Variants in EPAS1 observed in about 807,000 individuals in gnomAD.
EPAS1 encodes the protein endothelial PAS domain-containing protein 1.
A neutral mutation model predicts 87.9 loss-of-function variants in EPAS1; 23 were observed. The observed-to-expected ratio is 0.26, with a 90% confidence interval of 0.19 to 0.37. The LOEUF is 0.37. Ranked by LOEUF, EPAS1 falls within the 10% of genes least tolerant of loss-of-function variation. EPAS1 has a pLI of 1.00. For missense variants in EPAS1, 1,138 were observed against 1,120.7 expected (o/e 1.02, Z -0.22); for synonymous variants, 508 against 444.3 (o/e 1.14, Z -1.80).
intron 1 of EPAS1, among the ~76,000 whole-genome samples, chr2:46,321,041 T>TC (rs1394240113): frequency 6.6e-6 from 1 of 152,206 alleles, no homozygotes; most frequent in African/African-American, 2.4e-5. Flanking sequence ...AACTCTTTAT[T>TC]CCCCACATGC....
rs1558580979 is a variant in EPAS1 at position 46,304,766 on chromosome 2, T to C, written c.26+6829T>C. On this transcript the variant is annotated intron_variant, in intron 1 of 15. Transcript: ENST00000263734. ...GTGCAGGAGAACCTGTTAGAAGCTC[T>C]TCCTCTGTGGCTTCTGAAGAACCAT... Among the ~76,000 whole-genome samples the C allele has an allele frequency of 2.0e-5, 3 of 152,356 alleles. No individual in the cohort carries two copies. In the East Asian group the frequency reaches 5.8e-4, roughly 29 times the overall value.
Position 46,380,479 on chromosome 2 carries a change from C to T in EPAS1, c.1807C>T (p.Pro603Ser), listed in dbSNP as rs1019548129. ...ESKKTEPEHR[P>S]MSSIFFDAGS... Reference sequence around the variant, plus strand: ...CAAGAAGACAGAGCCCGAGCACCGGCCCATGTCCTCCATCTTCTTTGATGC... The same window carrying T: ...CAAGAAGACAGAGCCCGAGCACCGGTCCATGTCCTCCATCTTCTTTGATGC... Residue 603 changes from proline (P) to serine (S), a missense_variant, in exon 12 of 16, where the codon CCC becomes TCC. Around this residue, in one of 4 missense-constraint regions of EPAS1, gnomAD observed 502 missense variants for 427.1 expected, o/e 1.18. Transcript: ENST00000263734. This position sits in a 1 kb window ranked among gnomAD's most constrained non-coding sequence, Gnocchi z 4.4. 1 of 1,614,184 alleles carries T rather than the reference C, an allele frequency of 6.2e-7. No homozygotes were observed. The highest frequency in any genetic ancestry group is 2.2e-5 in the East Asian group (1 of 44,886).
chr2:46,374,059 G>A (rs1242515295), intron 7 of EPAS1, among the ~76,000 whole-genome samples: 2 of 152,242 alleles, frequency 1.3e-5, no homozygotes, highest in Non-Finnish European at 2.9e-5. Context: ...CATCTTATCA[G>A]ATAGTTCTGA....
chr2:46,361,331 A>C (rs1350001609), intron 6 of EPAS1, among the ~76,000 whole-genome samples: 1 of 151,788 alleles, frequency 6.6e-6, no homozygotes, highest in African/African-American at 2.4e-5. Context: ...CTGGTGTGCA[A>C]CTCTTCTCAT....
chr2:46,356,053 A>G (rs545836837), intron 2 of EPAS1, 98 bp from the exon 3 acceptor site: 203 of 1,356,948 alleles, frequency 1.5e-4, no homozygotes, highest in South Asian at 4.3e-4. Flanking sequence ...AGTCCACCCA[A>G]TGCCTTTGCA....
intron 1 of EPAS1, among the ~76,000 whole-genome samples, chr2:46,312,536 A>G (rs2104842921): frequency 6.6e-6 from 1 of 152,318 alleles, no homozygotes; most frequent in African/African-American, 2.4e-5. Flanking sequence ...TAAAGGGCAG[A>G]CCTTCAAGGC....
intron 15 of EPAS1, among the ~76,000 whole-genome samples, chr2:46,383,751 A>G (rs939718428): frequency 9.2e-5 from 14 of 152,256 alleles, no homozygotes; most frequent in Non-Finnish European, 1.2e-4. Context: ...AAGAGAAGTT[A>G]GCAAGGGATG....
intron 7 of EPAS1, among the ~76,000 whole-genome samples, chr2:46,372,029 G>A (rs562729614): frequency 1.3e-5 from 2 of 152,290 alleles, no homozygotes; most frequent in South Asian, 4.2e-4. Flanking sequence ...AAAGGGCTAG[G>A]ATAAAAATGG....
In EPAS1 at chr2:46,371,440, G is replaced by T. The variant is rs949043565; in HGVS notation, c.886+1507G>T. Among the ~76,000 whole-genome samples the T allele has an allele frequency of 6.6e-6, 1 of 152,140 alleles. No homozygotes were observed. Among genetic ancestry groups the T allele is most frequent in the Non-Finnish European group, 1.5e-5 (1 of 68,034 alleles). The stretch of plus-strand genomic sequence containing the variant: ...GGGCCCATTATGATATCTCAGAGAA[G>T]TTTCTCACTGTGCTCTCTGGCAAAA... On this transcript the variant is annotated intron_variant, in intron 7 of 15. Coordinates refer to ENST00000263734, the MANE Select transcript of EPAS1 (RefSeq NM_001430.5). This position sits in a 1 kb window ranked among gnomAD's most constrained non-coding sequence, Gnocchi z 4.3.
chr2:46,325,222 A>G (rs1299029288), intron 1 of EPAS1, among the ~76,000 whole-genome samples: 3 of 152,228 alleles, frequency 2.0e-5, no homozygotes, highest in South Asian at 4.1e-4. Flanking sequence ...CTTAGATAAT[A>G]TGGGATTTTA....
In EPAS1 at chr2:46,377,916, C is replaced by T; in HGVS notation, c.1272C>T (p.Ser424=). ...LDFGNQNFEE[S]SAYGKAILPP... is the part of the protein sequence containing the mutation. ...CAGGGAATCAGAACTTCGAGGAGTC[C>T]TCAGCCTATGGCAAGGCCATCCTGC... is the stretch of plus-strand genomic sequence containing the variant. The change falls in exon 10 of 16, where the codon TCC becomes TCT. Residue 424 remains serine, a synonymous_variant. Coordinates refer to ENST00000263734, the MANE Select transcript of EPAS1 (RefSeq NM_001430.5). 1.9e-6 allele frequency: 3 copies of T among 1,553,498 alleles called. No individual in the cohort carries two copies. The highest frequency in any genetic ancestry group is 1.7e-6 in the Non-Finnish European group (2 of 1,147,924).
At chr2:46,367,080 A>T (rs1684519080) in intron 6 of EPAS1, among the ~76,000 whole-genome samples, 1 of 152,280 alleles carries the variant, frequency 6.6e-6, no homozygotes, top group South Asian at 2.1e-4. Flanking sequence ...GACAAGATAA[A>T]TGAAAGCTGC....
chr2:46,321,642 A>G (rs933883811), intron 1 of EPAS1, among the ~76,000 whole-genome samples: 1 of 152,016 alleles, frequency 6.6e-6, no homozygotes, highest in African/African-American at 2.4e-5. Flanking sequence ...CCTAATGATC[A>G]GTGATTTGTC....
intron 6 of EPAS1, among the ~76,000 whole-genome samples, chr2:46,362,070 C>G (rs543557978): frequency 2.0e-5 from 3 of 152,302 alleles, no homozygotes; most frequent in Admixed American, 1.3e-4. Flanking sequence ...AGCAGCACCC[C>G]CCGCATGCGC....
intron 1 of EPAS1, among the ~76,000 whole-genome samples, chr2:46,320,528 G>T (rs1683435455): frequency 6.6e-6 from 1 of 152,222 alleles, no homozygotes; most frequent in Non-Finnish European, 1.5e-5. Context: ...TGGGCTAATG[G>T]AAAGATCGAA....
intron 2 of EPAS1, among the ~76,000 whole-genome samples, chr2:46,354,300 G>A (rs76796823): frequency 0.019 from 2,931 of 152,250 alleles, 114 homozygotes; most frequent in African/African-American, 0.067. Context: ...TTCAGTGAAT[G>A]TTAATGTTTG....
chr2:46,365,234 T>G (rs561644630), intron 6 of EPAS1, among the ~76,000 whole-genome samples: 9 of 152,270 alleles, frequency 5.9e-5, no homozygotes, highest in African/African-American at 2.2e-4. Context: ...AGGAGCAGTA[T>G]CACCAGGGGA....
chr2:46,376,775 C>T (rs1404584693), intron 9 of EPAS1, 22 bp downstream of exon 9: 1 of 1,611,052 alleles, frequency 6.2e-7, no homozygotes, highest in African/African-American at 1.3e-5. Flanking sequence ...TTAGCTAAGC[C>T]AGGCCCCTGG....
At chr2:46,382,398 C>T (rs776342224) in intron 14 of EPAS1, 27 bp from the exon 15 acceptor site, 46 of 1,613,946 alleles carry the variant, frequency 2.9e-5, no homozygotes, top group Non-Finnish European at 3.6e-5. Context: ...CCAATGCTAC[C>T]GTCACTCTCT....
Sources: allele counts gnomAD v4.1 joint callset (sites outside exome capture counted in the v4.1 genomes callset), GRCh38; gene constraint gnomAD v4.1.1; regional missense constraint gnomAD v4.1.1; non-coding constraint Gnocchi (gnomAD v3.1); transcripts MANE v1.5; gene names NCBI Gene and HGNC (gene_info 2026-07-23, HGNC 2026-07-21).